The following GREM2 variants were observed in gnomAD, a reference collection of about 807,000 sequenced individuals.
GREM2 encodes gremlin-2.
In GREM2, 11 loss-of-function variants were observed where a neutral mutation model predicts 14.2. That is an observed-to-expected ratio of 0.78 (90% CI 0.49 to 1.28). GREM2 has a LOEUF of 1.28. Ranked by LOEUF, GREM2 falls within the 50% of genes most tolerant of loss-of-function variation. GREM2 has a pLI of 0.00. For synonymous variants in GREM2, 98 were observed against 97.6 expected (o/e 1.00, Z -0.02); for missense variants, 210 against 218.5 (o/e 0.96, Z 0.24).
chr1:240,562,702 G>A (rs1472918823), intron 1 of GREM2, among the ~76,000 whole-genome samples: 1 of 140,306 alleles, frequency 7.1e-6, no homozygotes, highest in Non-Finnish European at 1.5e-5. Flanking sequence ...GGCACTACAG[G>A]ATTGCCGTGT....
chr1:240,563,190 TGTGAGTGTGTGTAA>T (rs1679107321), intron 1 of GREM2, among the ~76,000 whole-genome samples: 2 of 151,284 alleles, frequency 1.3e-5, no homozygotes, highest in South Asian at 4.2e-4. Context: ...TGTGTACGTG[TGTGAGTGTGTGTAA>T]GTGAGTGTGT....
rs372695212 is a variant in GREM2 at position 240,598,522 on chromosome 1, C to T, written c.-2+13362G>A. Among the ~76,000 whole-genome samples the T allele has an allele frequency of 5.9e-5, 9 of 152,136 alleles. No individual in the cohort carries two copies. The East Asian group carries it at 1.2e-3, about 20-fold the overall frequency. ...TTATTTTCTTCCCTTTGTACAAATC[C>T]ATATGGTGCCTTTTCAGACATCAGT... is the stretch of plus-strand genomic sequence containing the variant. On this transcript the variant is annotated intron_variant, in intron 1 of 1. Transcript: ENST00000318160.
At position 240,547,455 on chromosome 1, in the gene GREM2, A is replaced by C. The variant is rs1365399194; in HGVS notation, c.-1-53979T>G. On this transcript the variant is annotated intron_variant, in intron 1 of 1. Coordinates refer to ENST00000318160, the MANE Select transcript of GREM2 (RefSeq NM_022469.4). The stretch of plus-strand genomic sequence containing the variant: ...GTGGAGGTTGCAGTGAGCCGAAATC[A>C]CACCGCTGCACTCCAGCCTGGGCGA... 2.7e-5 allele frequency among the ~76,000 whole-genome samples: 4 copies of C among 148,854 alleles called. No homozygotes were observed. The Admixed American group carries it at 2.7e-4, about 10-fold the overall frequency.
intron 1 of GREM2, among the ~76,000 whole-genome samples, chr1:240,607,232 T>C (rs1680045452): frequency 6.6e-6 from 1 of 152,184 alleles, no homozygotes; most frequent in Non-Finnish European, 1.5e-5. Context: ...CTTCTCATTG[T>C]AAAGAGTAAA....
chr1:240,528,821 G>A (rs999121274), intron 1 of GREM2, among the ~76,000 whole-genome samples: 4 of 152,158 alleles, frequency 2.6e-5, no homozygotes, highest in African/African-American at 7.2e-5. Context: ...CTTTATATCC[G>A]AGTAGAGCTT....
At chr1:240,523,188 A>T (rs1678141458) in intron 1 of GREM2, among the ~76,000 whole-genome samples, 1 of 152,088 alleles carries the variant, frequency 6.6e-6, no homozygotes, top group Non-Finnish European at 1.5e-5. Flanking sequence ...TGCCTCCCAT[A>T]TTCAAGCAAT....
chr1:240,608,342 C>T (rs990635876), intron 1 of GREM2, among the ~76,000 whole-genome samples: 2 of 152,168 alleles, frequency 1.3e-5, no homozygotes, highest in Non-Finnish European at 2.9e-5. Flanking sequence ...GCAGAGAAAT[C>T]TCATTACAGA....
At chr1:240,520,927 A>G (rs919876255) in intron 1 of GREM2, among the ~76,000 whole-genome samples, 38 of 151,860 alleles carry the variant, frequency 2.5e-4, no homozygotes, top group African/African-American at 9.0e-4. Context: ...AAAAAAAAAA[A>G]AGCATTTTAG....
chr1:240,493,210 C>T lies in GREM2; in HGVS notation c.266G>A (p.Ser89Asn), dbSNP rs775247410. The T allele has an allele frequency of 1.9e-6, 3 of 1,614,114 alleles. No homozygotes were observed. The South Asian group carries it at 3.3e-5, about 18-fold the overall frequency. Residue 89 changes from serine to asparagine, a missense_variant, in exon 2 of 2, where the codon AGC becomes AAC. By Grantham distance (46) the Ser-to-Asn change is conservative. Coordinates refer to ENST00000318160, the MANE Select transcript of GREM2 (RefSeq NM_022469.4). Reference sequence around the variant, plus strand: ...GCAGAAGCGGTTGAGGATGGTGCGGCTCCGGCAGCCCTCCTCGCTCACCGT... The same window carrying T: ...GCAGAAGCGGTTGAGGATGGTGCGGTTCCGGCAGCCCTCCTCGCTCACCGT... Reference protein sequence around the residue: ...RQTVSEEGCRSRTILNRFCYG... With the variant: ...RQTVSEEGCRNRTILNRFCYG...
At chr1:240,546,651 T>C (rs771505968) in intron 1 of GREM2, among the ~76,000 whole-genome samples, 7 of 152,222 alleles carry the variant, frequency 4.6e-5, no homozygotes, top group Non-Finnish European at 1.0e-4. Flanking sequence ...ACTAATTGTA[T>C]CTGTATTTTA....
chr1:240,563,148 AGTGT>A (rs1256674800), intron 1 of GREM2, among the ~76,000 whole-genome samples: 6 of 121,696 alleles, frequency 4.9e-5, no homozygotes, highest in Admixed American at 1.5e-4. Context: ...TGTGTGTGTG[AGTGT>A]GTATGTGTGT....
At chr1:240,528,964 CCT>C (rs1193951872) in intron 1 of GREM2, among the ~76,000 whole-genome samples, 4 of 152,194 alleles carry the variant, frequency 2.6e-5, no homozygotes, top group Non-Finnish European at 5.9e-5. Context: ...TTGATGAGTC[CCT>C]GTGTTCAGCA....
chr1:240,504,077 C>T (rs1677629056), intron 1 of GREM2, among the ~76,000 whole-genome samples: 1 of 152,168 alleles, frequency 6.6e-6, no homozygotes. Flanking sequence ...GGCTTAACTT[C>T]TCAATAGGAG....
At chr1:240,526,200 G>A (rs990549154) in intron 1 of GREM2, among the ~76,000 whole-genome samples, 1 of 152,164 alleles carries the variant, frequency 6.6e-6, no homozygotes, top group African/African-American at 2.4e-5. Flanking sequence ...GGCATCTTTG[G>A]AGGGGGGCAT....
intron 1 of GREM2, among the ~76,000 whole-genome samples, chr1:240,569,422 A>T (rs1052716360): frequency 6.6e-6 from 1 of 152,232 alleles, no homozygotes; most frequent in Non-Finnish European, 1.5e-5. Flanking sequence ...AAGTTGAAAG[A>T]CTAACACTGC....
intron 1 of GREM2, among the ~76,000 whole-genome samples, chr1:240,557,398 G>T (rs138387837): frequency 1.0e-3 from 154 of 152,002 alleles, no homozygotes; most frequent in African/African-American, 3.7e-3. Flanking sequence ...TCAAGGAGAA[G>T]AACCCAAAAT....
At chr1:240,538,018 T>C (rs1452246896) in intron 1 of GREM2, among the ~76,000 whole-genome samples, 1 of 152,182 alleles carries the variant, frequency 6.6e-6, no homozygotes, top group Non-Finnish European at 1.5e-5. Flanking sequence ...TTATTAAAAC[T>C]AAAGAAACAC....
intron 1 of GREM2, among the ~76,000 whole-genome samples, chr1:240,596,233 A>G (rs192133683): frequency 1.1e-4 from 16 of 152,322 alleles, no homozygotes; most frequent in African/African-American, 3.6e-4. Flanking sequence ...CTAATCAATC[A>G]TCACATATAA....
chr1:240,598,444 A>T (rs1336778367), intron 1 of GREM2, among the ~76,000 whole-genome samples: 1 of 152,242 alleles, frequency 6.6e-6, no homozygotes, highest in Non-Finnish European at 1.5e-5. Context: ...TGACAGAAAC[A>T]TGTGGGTACA....
Sources: allele counts gnomAD v4.1 joint callset (sites outside exome capture counted in the v4.1 genomes callset), GRCh38; gene constraint gnomAD v4.1.1; transcripts MANE v1.5; gene names NCBI Gene and HGNC (gene_info 2026-07-23, HGNC 2026-07-21).